VPS13B: variants seen among roughly 807,000 people sequenced by gnomAD.
VPS13B encodes vacuolar protein sorting 13 homolog B.
VPS13B carries 285 observed loss-of-function variants against 426.4 expected under a neutral mutation model. That is an observed-to-expected ratio of 0.67 (90% CI 0.61 to 0.74). VPS13B has a LOEUF of 0.74. Among genes scored for constraint, VPS13B ranks in the 30% least tolerant of loss-of-function variants. VPS13B has a pLI of 0.00. For missense variants in VPS13B, 4,537 were observed against 4,782.6 expected (o/e 0.95, Z 1.51); for synonymous variants, 1,676 against 1,676.4 (o/e 1.00, Z 0.01).
Position 99,193,064 on chromosome 8 carries a change from GCA to G in VPS13B, c.2515+10_2515+11del, listed in dbSNP as rs756906184. The G allele has an allele frequency of 2.5e-6, 4 of 1,612,966 alleles. No homozygotes were observed. In the East Asian group the frequency reaches 8.9e-5, roughly 36 times the overall value. ...GAAATCTTCCTAAGTATAGGTAAGAGCACAGTCTTTTTGATAACTATATGGAA... is the reference window on the plus strand; with the variant it reads ...GAAATCTTCCTAAGTATAGGTAAGAGCAGTCTTTTTGATAACTATATGGAA... On this transcript the variant is annotated splice_region_variant and intron_variant, in intron 17 of 61. Transcript: ENST00000357162.
intron 3 of VPS13B, among the ~76,000 whole-genome samples, chr8:99,053,348 T>G (rs1843664923): frequency 6.6e-6 from 1 of 152,024 alleles, no homozygotes; most frequent in African/African-American, 2.4e-5. Flanking sequence ...TGTCCATGTG[T>G]TCTCATTGTT....
At chr8:99,499,111 A>G (rs1821092495) in intron 25 of VPS13B, among the ~76,000 whole-genome samples, 1 of 152,150 alleles carries the variant, frequency 6.6e-6, no homozygotes, top group Non-Finnish European at 1.5e-5. Flanking sequence ...TCAATTTGCA[A>G]CAAAATGGTA....
chr8:99,410,226 G>A (rs1240105645), intron 21 of VPS13B, among the ~76,000 whole-genome samples: 3 of 152,020 alleles, frequency 2.0e-5, no homozygotes, highest in Non-Finnish European at 2.9e-5. Flanking sequence ...CTATCTCTTG[G>A]TACCTTCAGG....
chr8:99,826,055 T>C (rs1814665837), intron 51 of VPS13B, among the ~76,000 whole-genome samples: 1 of 152,208 alleles, frequency 6.6e-6, no homozygotes, highest in African/African-American at 2.4e-5. Context: ...CTATGCATGC[T>C]CTTTTTTGGT....
intron 3 of VPS13B, among the ~76,000 whole-genome samples, chr8:99,060,015 C>T (rs752819942): frequency 1.3e-5 from 2 of 151,920 alleles, no homozygotes; most frequent in Non-Finnish European, 2.9e-5. Flanking sequence ...GGATTATAGG[C>T]GTGAGCCACT....
At chr8:99,351,427 A>AGTGT (rs1430070270) in intron 19 of VPS13B, among the ~76,000 whole-genome samples, 46 of 144,206 alleles carry the variant, frequency 3.2e-4, no homozygotes, top group African/African-American at 1.2e-3. Context: ...CAAGAGAGAG[A>AGTGT]GAGAGAGAGT....
At chr8:99,056,816 G>A (rs1843901414) in intron 3 of VPS13B, among the ~76,000 whole-genome samples, 1 of 151,996 alleles carries the variant, frequency 6.6e-6, no homozygotes, top group South Asian at 2.1e-4. Flanking sequence ...AATTTCACAG[G>A]AATATTTTTA....
chr8:99,388,840 C>A (rs1346855669), intron 20 of VPS13B, among the ~76,000 whole-genome samples: 1 of 152,178 alleles, frequency 6.6e-6, no homozygotes, highest in African/African-American at 2.4e-5. Context: ...CCTTTTAATT[C>A]TTGCCTGTGT....
At chr8:99,720,723 T>G in intron 38 of VPS13B, 140 bp from the exon 39 acceptor site, 1 of 1,107,690 alleles carries the variant, frequency 9.0e-7, no homozygotes, top group Non-Finnish European at 1.3e-6. Context: ...TCTTCATTTC[T>G]TTCTGTTCCA....
In VPS13B at chr8:99,614,882, C is replaced by G. The variant is rs559572100; in HGVS notation, c.5221-26929C>G. Among the ~76,000 whole-genome samples, 11 of 152,062 alleles carry G rather than the reference C, an allele frequency of 7.2e-5. No individual in the cohort carries two copies. The South Asian group carries it at 2.3e-3, about 32-fold the overall frequency. ...CCTGTAATCCCAGCACTTTGGGAGC[C>G]TAAGGCAGGTGGGTCACCTGAGGTT... On this transcript the variant is annotated intron_variant, in intron 33 of 61. Coordinates refer to ENST00000357162, the MANE Select transcript of VPS13B (RefSeq NM_152564.5).
rs1299572021 is a variant in VPS13B at position 99,717,373 on chromosome 8, G to A, written c.6657G>A (p.Gln2219=). ...ISIDLRGGLL[Q]VFWGQEHLNC... ...TTGACTTAAGAGGAGGTCTACTACA[G>A]GTCTGTGGGTATTGGCCATATTTTT... Residue 2219 remains glutamine, a splice_region_variant and synonymous_variant, in exon 37 of 62, where the codon CAG becomes CAA. Coordinates refer to ENST00000357162, the MANE Select transcript of VPS13B (RefSeq NM_152564.5). 6.2e-7 allele frequency: 1 copy of A among 1,613,368 alleles called. No homozygotes were observed. The highest frequency in any genetic ancestry group is 1.1e-5 in the South Asian group (1 of 91,060).
chr8:99,020,015 G>A (rs375447075), intron 2 of VPS13B, among the ~76,000 whole-genome samples: 2 of 152,158 alleles, frequency 1.3e-5, no homozygotes, highest in African/African-American at 4.8e-5. Flanking sequence ...GCTAGATCAC[G>A]TGATAATTCT....
chr8:99,129,581 A>AAG (rs981801771), intron 8 of VPS13B, among the ~76,000 whole-genome samples: 8 of 151,322 alleles, frequency 5.3e-5, no homozygotes, highest in Admixed American at 4.0e-4. Context: ...AAAAAAAAAA[A>AAG]AAAAAAAAAG....
intron 19 of VPS13B, among the ~76,000 whole-genome samples, chr8:99,295,843 A>G (rs1345772392): frequency 6.6e-6 from 1 of 152,140 alleles, no homozygotes; most frequent in Non-Finnish European, 1.5e-5. Context: ...CCTAAACAAC[A>G]TAGAGAGACT....
intron 3 of VPS13B, among the ~76,000 whole-genome samples, chr8:99,085,179 G>A (rs1417305266): frequency 2.0e-5 from 3 of 152,124 alleles, no homozygotes; most frequent in Non-Finnish European, 4.4e-5. Flanking sequence ...AGCTCTTGTC[G>A]TTGAATTGAT....
intron 16 of VPS13B, among the ~76,000 whole-genome samples, chr8:99,186,046 A>G (rs1248881515): frequency 1.3e-5 from 2 of 152,148 alleles, no homozygotes; most frequent in Admixed American, 6.5e-5. Context: ...TAGTTACACT[A>G]GGATTTATTT....
intron 21 of VPS13B, among the ~76,000 whole-genome samples, chr8:99,426,025 A>G (rs979321425): frequency 6.7e-6 from 1 of 149,760 alleles, no homozygotes; most frequent in African/African-American, 2.5e-5. Context: ...CTCGTCATCT[A>G]GCATTAGGTA....
chr8:99,861,115 C>G (rs778870030), intron 57 of VPS13B, among the ~76,000 whole-genome samples: 6 of 152,172 alleles, frequency 3.9e-5, no homozygotes, highest in Non-Finnish European at 7.3e-5. Context: ...TTTTAACCTT[C>G]AAAATTGGGC....
chr8:99,193,149 C>A, intron 17 of VPS13B, 92 bp downstream of exon 17: 1 of 1,256,510 alleles, frequency 8.0e-7, no homozygotes, highest in Non-Finnish European at 1.1e-6. Context: ...CTAGCATGGT[C>A]AACTTAAATT....
Sources: gnomAD v4.1 joint callset for allele counts (sites outside exome capture counted in the v4.1 genomes callset) on GRCh38, gnomAD v4.1.1 for gene constraint, MANE v1.5 for transcripts, NCBI Gene and HGNC (gene_info 2026-07-23, HGNC 2026-07-21) for gene names.